The following FSCN2 variants were observed in gnomAD, a reference collection of about 807,000 sequenced individuals.
FSCN2 encodes the protein fascin actin-bundling protein 2, retinal.
A neutral mutation model predicts 37.8 loss-of-function variants in FSCN2; 46 were observed. The ratio of observed to expected loss-of-function variants is 1.22; its 90% CI spans 0.96 to 1.56. The LOEUF (loss-of-function observed/expected upper bound fraction) is 1.56, where lower values mean the gene tolerates loss of function less well. Among genes scored for constraint, FSCN2 ranks in the 40% most tolerant of loss-of-function variants. FSCN2 has a pLI of 0.00. For synonymous variants in FSCN2, 351 were observed against 309.4 expected (o/e 1.13, Z -1.41); for missense variants, 844 against 730.4 (o/e 1.16, Z -1.79).
upstream of FSCN2, among the ~76,000 whole-genome samples, chr17:81,524,889 A>G (rs1257669491): frequency 8.0e-6 from 1 of 124,242 alleles, no homozygotes; most frequent in East Asian, 2.2e-4. Context: ...ATCCATGAGC[A>G]CCTTCACACA....
Position 81,535,191 on chromosome 17 carries a change from C to T in FSCN2, c.966C>T (p.His322=), listed in dbSNP as rs367734858. ...CCCTGGTCACCCATGGGGGCATTCACGCCACAGCCACACAAGTGTGAGTGC... is the reference window on the plus strand; with the variant it reads ...CCCTGGTCACCCATGGGGGCATTCATGCCACAGCCACACAAGTGTGAGTGC... The part of the protein sequence containing the change: ...YWTLVTHGGI[H]ATATQVSANT... The change falls in exon 2 of 5, where the codon CAC becomes CAT. Residue 322 remains histidine (H), a synonymous_variant. Coordinates refer to ENST00000417245, the MANE Select transcript of FSCN2 (RefSeq NM_012418.4). 16,118 of 1,532,098 alleles carry T rather than the reference C, an allele frequency of 0.011. 103 individuals are homozygous for T. Among genetic ancestry groups the T allele is most frequent in the Non-Finnish European group, 0.013 (14,723 of 1,144,548 alleles). The allele number at this position is 1,532,098 out of a possible 1,614,324, so 94.9% of individuals were successfully genotyped here. A position where few individuals can be genotyped will look rare whatever the true frequency, so the allele number is the denominator to read the frequency against.
rs1286778006 is a variant in FSCN2 at position 81,531,735 on chromosome 17, A to ATGATGG, written c.826+2384_826+2389dup. Among the ~76,000 whole-genome samples the ATGATGG allele has an allele frequency of 2.0e-3, 201 of 100,470 alleles. 1 individual carries two copies. Among genetic ancestry groups the ATGATGG allele is most frequent in the African/African-American group, 9.7e-3 (178 of 18,360 alleles). The allele number at this position is 100,470 out of a possible 152,430, so 65.9% of individuals were successfully genotyped here. A position where few individuals can be genotyped will look rare whatever the true frequency, so the allele number is the denominator to read the frequency against. On this transcript the variant is annotated intron_variant, in intron 1 of 4. Transcript: ENST00000417245. Reference sequence around the variant, plus strand: ...AGTGATGGTGGTGATGGTGATGGTGATGATGGTGATGATAGTGATGGCGAT... The same window carrying ATGATGG: ...AGTGATGGTGGTGATGGTGATGGTGATGATGGTGATGGTGATGATAGTGATGGCGAT...
rs782322912 is a variant in FSCN2, at chr17:81,528,639, G to A, written c.108G>A (p.Ser36=). 41 of 1,604,048 alleles carry A rather than the reference G, an allele frequency of 2.6e-5. No individual in the cohort carries two copies. Among genetic ancestry groups the A allele is most frequent in the East Asian group, 1.1e-4 (5 of 44,416 alleles). ...GCTTCGGCTTCAAGGTCAATGCCTC[G>A]GCACCCAGCCTCAAGAGGAAGCAGA... ...AESFGFKVNA[S]APSLKRKQTW... Residue 36 remains serine, a synonymous_variant, in exon 1 of 5, where the codon TCG becomes TCA. Coordinates refer to ENST00000417245, the MANE Select transcript of FSCN2 (RefSeq NM_012418.4).
chr17:81,524,682 C>T (rs1233741317), upstream of FSCN2, among the ~76,000 whole-genome samples: 1 of 152,124 alleles, frequency 6.6e-6, no homozygotes, highest in African/African-American at 2.4e-5. Flanking sequence ...GTGCCCCAGC[C>T]CACCATATGC....
chr17:81,519,336 G>A, the FSCN2 span, among the ~76,000 whole-genome samples: 2 of 152,164 alleles, frequency 1.3e-5, no homozygotes, highest in Non-Finnish European at 2.9e-5. Context: ...ACGCGGCACC[G>A]GGGCTTCGGG....
upstream of FSCN2, among the ~76,000 whole-genome samples, chr17:81,528,001 G>A (rs759433040): frequency 1.9e-4 from 29 of 152,236 alleles, no homozygotes; most frequent in Non-Finnish European, 3.5e-4. Context: ...GGTACGGGCG[G>A]CGATCAGGTT....
the FSCN2 span, among the ~76,000 whole-genome samples, chr17:81,518,575 G>A: frequency 1.3e-5 from 2 of 152,198 alleles, no homozygotes; most frequent in Non-Finnish European, 2.9e-5. Context: ...GAGGGGAGTC[G>A]TTTTCGCTGA....
rs797042755 is a variant in FSCN2, at chr17:81,531,318, A to G, written c.826+1961A>G. On this transcript the variant is annotated intron_variant, in intron 1 of 4. Transcript: ENST00000417245. The stretch of plus-strand genomic sequence containing the variant: ...GGTGATGGTGATGGTGGTGGTGGTG[A>G]TGATGGTGGTGGTGGTGATGGTGGT... 6.6e-3 allele frequency among the ~76,000 whole-genome samples: 262 copies of G among 39,860 alleles called. 10 individuals are homozygous for G. The highest frequency in any genetic ancestry group is 0.049 in the South Asian group (73 of 1,488). The allele number at this position is 39,860 out of a possible 152,430, so 26.1% of individuals were successfully genotyped here. A position where few individuals can be genotyped will look rare whatever the true frequency, so the allele number is the denominator to read the frequency against.
Position 81,536,687 on chromosome 17 carries a change from G to C in FSCN2, c.1171G>C (p.Gly391Arg). 6.2e-7 allele frequency: 1 copy of C among 1,610,928 alleles called. No homozygotes were observed. Among genetic ancestry groups the C allele is most frequent in the Non-Finnish European group, 8.5e-7 (1 of 1,179,494 alleles). ...CATCCTGGTGCTGCGCGGCCTGGAC[G>C]GCTTCGTCTGCCACCACCGCGGCTC... ...RPILVLRGLD[G>R]FVCHHRGSNQ... The change falls in exon 4 of 5, where the codon GGC (glycine) becomes CGC (arginine). Residue 391 changes from glycine to arginine, a missense_variant. Physicochemically the swap from Gly to Arg is moderately radical, Grantham distance 125 (BLOSUM62 -2). Transcript: ENST00000417245.
the FSCN2 span, among the ~76,000 whole-genome samples, chr17:81,515,368 C>T: frequency 6.6e-6 from 1 of 152,168 alleles, no homozygotes; most frequent in African/African-American, 2.4e-5. Flanking sequence ...TGGGCGGCCT[C>T]CGGAGCCGGG....
In FSCN2 at chr17:81,530,549, CG is replaced by C. The variant is rs541770293; in HGVS notation, c.826+1195del. On this transcript the variant is annotated intron_variant, in intron 1 of 4. Coordinates refer to ENST00000417245, the MANE Select transcript of FSCN2 (RefSeq NM_012418.4). The stretch of plus-strand genomic sequence containing the variant: ...TCTGAAAAGGCGAGGTGGGGAGAGC[CG>C]GGTGCATGGAGCTCCTCCTCCCAAC... 565 of 491,732 alleles carry C rather than the reference CG, an allele frequency of 1.1e-3. 2 individuals are homozygous for C. Among genetic ancestry groups the C allele is most frequent in the African/African-American group, 9.7e-3 (492 of 50,700 alleles). The allele number at this position is 491,732 out of a possible 1,614,324, so 30.5% of individuals were successfully genotyped here. A position where few individuals can be genotyped will look rare whatever the true frequency, so the allele number is the denominator to read the frequency against.
the FSCN2 span, among the ~76,000 whole-genome samples, chr17:81,521,890 G>A: frequency 1.3e-5 from 2 of 152,330 alleles, no homozygotes; most frequent in Non-Finnish European, 2.9e-5. Context: ...CCAATTGACA[G>A]GCAATGATGG....
At chr17:81,532,658 GATGATGGAGGCA>G (rs1460355514) in intron 1 of FSCN2, among the ~76,000 whole-genome samples, 3 of 151,282 alleles carry the variant, frequency 2.0e-5, no homozygotes, top group African/African-American at 7.3e-5. Context: ...TGGTGATGGT[GATGATGGAGGCA>G]ATGGTGATGA....
the FSCN2 span, among the ~76,000 whole-genome samples, chr17:81,518,673 C>A: frequency 1.3e-5 from 2 of 152,156 alleles, no homozygotes; most frequent in Non-Finnish European, 2.9e-5. Context: ...GATGTCTTGT[C>A]CAGTGTGCGC....
the FSCN2 span, among the ~76,000 whole-genome samples, chr17:81,523,100 C>T: frequency 5.3e-5 from 8 of 152,352 alleles, no homozygotes; most frequent in Admixed American, 2.0e-4. Context: ...CTTATGATTT[C>T]ACAGAAGACA....
the FSCN2 span, among the ~76,000 whole-genome samples, chr17:81,518,497 C>A: frequency 1.3e-5 from 2 of 152,098 alleles, no homozygotes; most frequent in South Asian, 2.1e-4. Flanking sequence ...CAGAGGAAGG[C>A]TAGGCCGATT....
chr17:81,536,787 G>A lies in FSCN2; in HGVS notation c.1271G>A (p.Arg424Gln), dbSNP rs1018832503. The A allele has an allele frequency of 3.1e-6, 5 of 1,589,332 alleles. No individual in the cohort carries two copies. The highest frequency in any genetic ancestry group is 1.7e-5 in the Admixed American group (1 of 57,924). Residue 424 changes from arginine to glutamine, a missense_variant and splice_region_variant, in exon 4 of 5, where the codon CGA becomes CAA. Arg to Gln is a conservative substitution (Grantham distance 43). Transcript: ENST00000417245. ...TTCAGCGACGGCGCCTACCGGATCC[G>A]AGGTGCGTGGCGGGGCGGGTGGGCA... ...LSFSDGAYRI[R>Q]GRDGGFWYTG...
the FSCN2 span, among the ~76,000 whole-genome samples, chr17:81,522,349 A>G: frequency 3.9e-5 from 6 of 152,196 alleles, no homozygotes; most frequent in East Asian, 1.9e-4. Flanking sequence ...TTCATTAACT[A>G]TAGGCAATGA....
At chr17:81,526,580 C>T (rs1037440967), upstream of FSCN2, among the ~76,000 whole-genome samples, 11 of 152,302 alleles carry the variant, frequency 7.2e-5, no homozygotes, top group Non-Finnish European at 1.2e-4. Flanking sequence ...GCCAAGATTG[C>T]GCCACTGGAC....
Sources: allele counts gnomAD v4.1 joint callset (sites outside exome capture counted in the v4.1 genomes callset), GRCh38; gene constraint gnomAD v4.1.1; transcripts MANE v1.5; gene names NCBI Gene and HGNC (gene_info 2026-07-23, HGNC 2026-07-21).